The following OSBP variants were observed in gnomAD, a reference collection of about 807,000 sequenced individuals.
OSBP encodes the protein oxysterol binding protein.
A neutral mutation model predicts 96.6 loss-of-function variants in OSBP; 32 were observed. The observed-to-expected ratio is 0.33, with a 90% CI of 0.25 to 0.45. OSBP has a LOEUF of 0.45. Ranked by LOEUF, OSBP falls within the 20% of genes least tolerant of loss-of-function variation. The pLI is 1.00. For synonymous variants in OSBP, 369 were observed against 389.6 expected (o/e 0.95, Z 0.62); for missense variants, 653 against 1,029.7 (o/e 0.63, Z 5.01).
intron 1 of OSBP, among the ~76,000 whole-genome samples, chr11:59,614,982 TTAA>T (rs1481669498): frequency 6.6e-6 from 1 of 152,132 alleles, no homozygotes; most frequent in Non-Finnish European, 1.5e-5. Flanking sequence ...GCTTGCAGAA[TTAA>T]TAATTGCACC....
At position 59,576,878 on chromosome 11, in the gene OSBP, C is replaced by T; in HGVS notation, c.2208G>A (p.Lys736=). Residue 736 remains lysine (K), a synonymous_variant, in exon 13 of 14, where the codon AAG becomes AAA. Transcript: ENST00000263847. ...NGRWDEANAE[K]QRLEEKQRLS... ...GTCTTTGTTTTTCCTCCAGGCGCTG[C>T]TTCTCCGCATTTGCTTCATCCCAGC... 6.2e-7 allele frequency: 1 copy of T among 1,614,214 alleles called. No homozygotes were observed.
chr11:59,609,503 CA>C (rs1287522087), intron 2 of OSBP, among the ~76,000 whole-genome samples: 1 of 147,868 alleles, frequency 6.8e-6, no homozygotes, highest in East Asian at 2.0e-4. Context: ...AAAAAAAAGA[CA>C]AAAGACCTGT....
At chr11:59,580,142 C>T (rs374012542) in intron 11 of OSBP, 32 bp downstream of exon 11, 19 of 1,399,856 alleles carry the variant, frequency 1.4e-5, no homozygotes, top group South Asian at 5.8e-5. Flanking sequence ...ATACATGCTA[C>T]GTGAAACAAT....
intron 9 of OSBP, among the ~76,000 whole-genome samples, chr11:59,589,669 A>G (rs1860553144): frequency 1.3e-5 from 2 of 151,960 alleles, no homozygotes; most frequent in Non-Finnish European, 2.9e-5. Context: ...GCTAGTTTCT[A>G]TATCCTAGAA....
intron 9 of OSBP, among the ~76,000 whole-genome samples, chr11:59,585,985 C>T (rs1036651889): frequency 1.9e-4 from 29 of 151,908 alleles, no homozygotes; most frequent in Admixed American, 1.3e-4. Context: ...GGTTAAGAGT[C>T]GTCACCACTC....
At position 59,600,891 on chromosome 11, in the gene OSBP, A is replaced by G; in HGVS notation, c.1125-18T>C. On this transcript the variant is annotated intron_variant, in intron 5 of 13. Transcript: ENST00000263847. Reference sequence around the variant, plus strand: ...CAGTACGTCTGTACAGATGGGAAACACAGGAGAATTAGAACAAAGACCAGA... The same window carrying G: ...CAGTACGTCTGTACAGATGGGAAACGCAGGAGAATTAGAACAAAGACCAGA... 3 of 1,609,852 alleles carry G rather than the reference A, an allele frequency of 1.9e-6. No individual in the cohort carries two copies. Among genetic ancestry groups the G allele is most frequent in the Admixed American group, 3.3e-5 (2 of 60,008 alleles).
In OSBP at chr11:59,576,218, G is replaced by T; in HGVS notation, c.*359C>A. ...TGAATCATAATCTTAGGCAGATCTT[G>T]GCTGAGCAGGATACTACAAGGGGAG... On this transcript the variant is annotated 3_prime_UTR_variant, in exon 14 of 14. Coordinates refer to ENST00000263847, the MANE Select transcript of OSBP (RefSeq NM_002556.3). The T allele has an allele frequency of 5.3e-6, 1 of 189,340 alleles. No homozygotes were observed. The highest frequency in any genetic ancestry group is 1.1e-5 in the Non-Finnish European group (1 of 92,788). 11.7% of individuals were successfully genotyped at this position (189,340 alleles called of 1,614,324 possible).
chr11:59,583,462 G>T (rs891531864), intron 9 of OSBP, among the ~76,000 whole-genome samples: 1 of 152,088 alleles, frequency 6.6e-6, no homozygotes, highest in Non-Finnish European at 1.5e-5. Flanking sequence ...ATAATTGGCA[G>T]ATAAGGATCA....
Position 59,615,594 on chromosome 11 carries a change from C to A in OSBP, c.71G>T (p.Gly24Val). 4 of 1,374,538 alleles carry A rather than the reference C, an allele frequency of 2.9e-6. No individual in the cohort carries two copies. Among genetic ancestry groups the A allele is most frequent in the Non-Finnish European group, 3.8e-6 (4 of 1,060,390 alleles). 85.1% of individuals were successfully genotyped at this position (1,374,538 alleles called of 1,614,324 possible). Residue 24 changes from glycine (G) to valine (V), a missense_variant, in exon 1 of 14, where the codon GGC becomes GTC. Gly to Val is a moderately radical substitution (Grantham distance 109). Around this residue, in one of 6 missense-constraint regions of OSBP, gnomAD observed 151 missense variants for 146.1 expected, o/e 1.03. Coordinates refer to ENST00000263847, the MANE Select transcript of OSBP (RefSeq NM_002556.3). ...PAAIAALGGG[G>V]AGPPVVGGGG... ...TCCTCCCACCACTGGGGGACCGGCG[C>A]CGCCGCCGCCAAGTGCTGCAATGGC...
intron 2 of OSBP, among the ~76,000 whole-genome samples, chr11:59,609,883 T>A (rs1207224553): frequency 6.6e-6 from 1 of 152,154 alleles, no homozygotes; most frequent in Non-Finnish European, 1.5e-5. Context: ...AAGAGTTAAG[T>A]AAGAAGGTAT....
Position 59,593,571 on chromosome 11 carries a change from G to A in OSBP, c.1678+33C>T, listed in dbSNP as rs1590672150. On this transcript the variant is annotated intron_variant, in intron 9 of 13. Transcript: ENST00000263847. ...CGTGCCAGAAAACCTTTCATTCCAG[G>A]AGCATTAATTCTGACAAAGATGGTA... 4 of 1,612,138 alleles carry A rather than the reference G, an allele frequency of 2.5e-6. No individual in the cohort carries two copies. In the South Asian group the frequency reaches 4.4e-5, roughly 18 times the overall value.
intron 3 of OSBP, among the ~76,000 whole-genome samples, chr11:59,602,067 G>C (rs758960985): frequency 5.3e-5 from 8 of 152,154 alleles, no homozygotes; most frequent in Non-Finnish European, 8.8e-5. Flanking sequence ...ACACTTTCCT[G>C]GTCACGAGAA....
At chr11:59,580,076 C>T in intron 11 of OSBP, 98 bp downstream of exon 11, 1 of 818,612 alleles carries the variant, frequency 1.2e-6, no homozygotes, top group Non-Finnish European at 2.1e-6. Flanking sequence ...TACACACCCC[C>T]ATACCACCCC....
Position 59,600,574 on chromosome 11 carries a change from G to A in OSBP, c.1233C>T (p.Tyr411=), listed in dbSNP as rs78163577. The A allele has an allele frequency of 3.1e-6, 5 of 1,613,984 alleles. 1 individual carries two copies. In the South Asian group the frequency reaches 4.4e-5, roughly 14 times the overall value. The change falls in exon 7 of 14, where the codon TAC becomes TAT. Residue 411 remains tyrosine, a synonymous_variant. Coordinates refer to ENST00000263847, the MANE Select transcript of OSBP (RefSeq NM_002556.3). The part of the protein sequence containing the change: ...TKKEKRTRIP[Y]KPNYSLNLWS... ...ATAAATTGAGGCTATAGTTTGGCTT[G>A]TATGGTATTCTGGTTCTCTTTTCCT...
rs1259495250 is a variant in OSBP at position 59,575,131 on chromosome 11, GTTC to G, written c.*1443_*1445del. 1 of 152,312 alleles carries G rather than the reference GTTC, an allele frequency of 6.6e-6. No homozygotes were observed. Among genetic ancestry groups the G allele is most frequent in the East Asian group, 1.9e-4 (1 of 5,186 alleles). The allele number at this position is 152,312 out of a possible 1,614,324, so 9.4% of individuals were successfully genotyped here. ...TTAAGCCCCACATCCTAGGAAGAAA[GTTC>G]TTTTGGAATTCAGCCTATGCGCCGG... On this transcript the variant is annotated 3_prime_UTR_variant, in exon 14 of 14. Coordinates refer to ENST00000263847, the MANE Select transcript of OSBP (RefSeq NM_002556.3).
intron 11 of OSBP, among the ~76,000 whole-genome samples, chr11:59,579,588 C>T (rs1410658002): frequency 2.0e-5 from 3 of 152,000 alleles, no homozygotes; most frequent in Non-Finnish European, 4.4e-5. Flanking sequence ...CCGCCTCCAC[C>T]GTGTTTCCCA....
intron 4 of OSBP, 90 bp from the exon 5 acceptor site, chr11:59,601,475 C>T: frequency 8.4e-7 from 1 of 1,195,182 alleles, no homozygotes; most frequent in East Asian, 2.3e-5. Flanking sequence ...ACCACAAACA[C>T]AGCAAAAAAT....
Position 59,574,775 on chromosome 11 carries a change from T to C in OSBP, c.*1802A>G, listed in dbSNP as rs765876436. Reference sequence around the variant, plus strand: ...AGCAGTCAAAGTCACTCCTCTCCCATGTTTATCACAACTAGGAAGGAAGGG... The same window carrying C: ...AGCAGTCAAAGTCACTCCTCTCCCACGTTTATCACAACTAGGAAGGAAGGG... On this transcript the variant is annotated 3_prime_UTR_variant, in exon 14 of 14. Coordinates refer to ENST00000263847, the MANE Select transcript of OSBP (RefSeq NM_002556.3). 2 of 152,548 alleles carry C rather than the reference T, an allele frequency of 1.3e-5. No individual in the cohort carries two copies. Among genetic ancestry groups the C allele is most frequent in the African/African-American group, 2.4e-5 (1 of 41,422 alleles). The allele number at this position is 152,548 out of a possible 1,614,324, so 9.4% of individuals were successfully genotyped here. A position where few individuals can be genotyped will look rare whatever the true frequency, so the allele number is the denominator to read the frequency against.
At chr11:59,585,645 C>A (rs925279200) in intron 9 of OSBP, among the ~76,000 whole-genome samples, 1 of 152,214 alleles carries the variant, frequency 6.6e-6, no homozygotes, top group African/African-American at 2.4e-5. Flanking sequence ...CTCTGCCAGG[C>A]CACCACCCCG....
Sources: allele counts gnomAD v4.1 joint callset (sites outside exome capture counted in the v4.1 genomes callset), GRCh38; gene constraint gnomAD v4.1.1; regional missense constraint gnomAD v4.1.1; transcripts MANE v1.5; gene names NCBI Gene and HGNC (gene_info 2026-07-23, HGNC 2026-07-21).